KMT2A: variants seen among roughly 807,000 people sequenced by gnomAD.
KMT2A encodes lysine methyltransferase 2A, also known as histone-lysine N-methyltransferase 2A.
Under a neutral mutation model 345.3 loss-of-function variants are expected in KMT2A, and 16 were observed. The observed-to-expected ratio is 0.05, with a 90% CI of 0.03 to 0.07. KMT2A has a LOEUF of 0.07. Ranked by LOEUF, KMT2A falls within the 10% of genes least tolerant of loss-of-function variation. KMT2A has a pLI of 1.00. For synonymous variants in KMT2A, 1,599 were observed against 1,778.6 expected (o/e 0.90, Z 2.54); for missense variants, 3,272 against 4,841.6 (o/e 0.68, Z 9.62).
intron 31 of KMT2A, among the ~76,000 whole-genome samples, chr11:118,517,666 C>G (rs1469685276): frequency 6.6e-6 from 1 of 151,916 alleles, no homozygotes; most frequent in Non-Finnish European, 1.5e-5. Context: ...ACAGTAAGAC[C>G]CTGTCTCCAC....
Position 118,484,031 on chromosome 11 carries a change from CTT to C in KMT2A, c.4087-149_4087-148del. ...TAGGCAACAAAGCAAGACCCAGTCT[CTT>C]TTAAAAAAAAATTCAAAGATTATTT... On this transcript the variant is annotated intron_variant, in intron 8 of 35. Coordinates refer to ENST00000534358, the MANE Select transcript of KMT2A (RefSeq NM_001197104.2). The surrounding 1 kb of genome is among the most constrained non-coding windows in gnomAD (Gnocchi z 4.1). 3.7e-6 allele frequency: 3 copies of C among 805,618 alleles called. No homozygotes were observed. Among genetic ancestry groups the C allele is most frequent in the East Asian group, 5.4e-5 (2 of 37,034 alleles). The allele number at this position is 805,618 out of a possible 1,614,324, so 49.9% of individuals were successfully genotyped here.
In KMT2A at chr11:118,502,998, C is replaced by G. The variant is rs1472238690; in HGVS notation, c.7106C>G (p.Ser2369Cys). ...SVSFSSKEAL[S>C]FPHLHLRGQR... ...TCGTTTTCTTCTAAAGAGGCCCTCT[C>G]CTTCCCACACCTCCATTTGAGAGGG... Residue 2369 changes from serine (S) to cysteine (C), a missense_variant, in exon 27 of 36, where the codon TCC becomes TGC. Around this residue, in one of 27 missense-constraint regions of KMT2A, gnomAD observed 445 missense variants for 500.9 expected, o/e 0.89. Coordinates refer to ENST00000534358, the MANE Select transcript of KMT2A (RefSeq NM_001197104.2). This position sits in a 1 kb window ranked among gnomAD's most constrained non-coding sequence, Gnocchi z 4.9. The G allele has an allele frequency of 4.3e-6, 7 of 1,614,080 alleles. No individual in the cohort carries two copies. Among genetic ancestry groups the G allele is most frequent in the Non-Finnish European group, 5.1e-6 (6 of 1,180,042 alleles).
At chr11:118,467,097 C>G (rs2134244519) in intron 1 of KMT2A, among the ~76,000 whole-genome samples, 1 of 152,138 alleles carries the variant, frequency 6.6e-6, no homozygotes, top group South Asian at 2.1e-4. Context: ...TTTTTCATGG[C>G]TGGGCACAGT....
At position 118,472,719 on chromosome 11, in the gene KMT2A, A is replaced by T. The variant is rs1185141678; in HGVS notation, c.1560A>T (p.Glu520Asp). The T allele has an allele frequency of 3.1e-6, 5 of 1,613,654 alleles. No individual in the cohort carries two copies. The highest frequency in any genetic ancestry group is 1.6e-4 in the Middle Eastern group (1 of 6,062). ...CACTGCCCATTTCCCAGTCCCCAGA[A>T]AATGAGAGTAATGATAGGAGAAGCA... ...HPPLPISQSP[E>D]NESNDRRSRR... The change falls in exon 3 of 36, where the codon GAA becomes GAT. Residue 520 changes from glutamate (E) to aspartate (D), a missense_variant. By Grantham distance (45) the Glu-to-Asp change is conservative (BLOSUM62 2). Around this residue, in one of 27 missense-constraint regions of KMT2A, gnomAD observed 180 missense variants for 190.7 expected, o/e 0.94. Coordinates refer to ENST00000534358, the MANE Select transcript of KMT2A (RefSeq NM_001197104.2).
chr11:118,501,613 A>G (rs1950501924), intron 25 of KMT2A, 59 bp from the exon 26 acceptor site: 1 of 1,414,390 alleles, frequency 7.1e-7, no homozygotes, highest in Non-Finnish European at 9.7e-7. Flanking sequence ...TTTATTGGTT[A>G]ATTTGTTTGA....
intron 3 of KMT2A, among the ~76,000 whole-genome samples, chr11:118,475,616 G>A (rs981128118): frequency 2.0e-5 from 3 of 152,108 alleles, no homozygotes; most frequent in East Asian, 1.9e-4. Flanking sequence ...CTAGCTACTC[G>A]GGAGGCTGAG....
intron 10 of KMT2A, among the ~76,000 whole-genome samples, chr11:118,485,710 C>A (rs1231296932): frequency 6.6e-6 from 1 of 152,124 alleles, no homozygotes; most frequent in Non-Finnish European, 1.5e-5. Context: ...AAGAAGTGTT[C>A]ATTTCAATAT....
chr11:118,447,011 C>T (rs1258244407), intron 1 of KMT2A, among the ~76,000 whole-genome samples: 1 of 152,160 alleles, frequency 6.6e-6, no homozygotes, highest in African/African-American at 2.4e-5. Context: ...CTCTCCTTTG[C>T]CTTAAAGTCT....
chr11:118,478,497 G>A (rs562295657), intron 5 of KMT2A, among the ~76,000 whole-genome samples: 12 of 152,178 alleles, frequency 7.9e-5, no homozygotes, highest in Middle Eastern at 3.2e-3. Context: ...GCTATTGAGC[G>A]CTTGACATGT....
chr11:118,459,004 T>G (rs1180815923), intron 1 of KMT2A, among the ~76,000 whole-genome samples: 1 of 152,308 alleles, frequency 6.6e-6, no homozygotes, highest in East Asian at 1.9e-4. Flanking sequence ...GTCTATGGTA[T>G]TGATGTTATT....
chr11:118,511,926 A>AC lies in KMT2A; in HGVS notation c.11072-24dup, dbSNP rs530572017. On this transcript the variant is annotated intron_variant, in intron 30 of 35. Transcript: ENST00000534358. ...GGTTTACGTGCATATTTTCTGGCTT[A>AC]CGGGTTTTCTTTATTTCCTTTCAGA... 519 of 1,604,726 alleles carry AC rather than the reference A, an allele frequency of 3.2e-4. 6 individuals carry two copies. In the South Asian group the frequency reaches 5.4e-3, roughly 17 times the overall value.
At chr11:118,441,918 C>T (rs781840426) in intron 1 of KMT2A, among the ~76,000 whole-genome samples, 2 of 152,292 alleles carry the variant, frequency 1.3e-5, no homozygotes, top group East Asian at 1.9e-4. Flanking sequence ...GCTGTCCTTC[C>T]GTGGGGCAGC....
At chr11:118,441,701 A>G (rs539023675) in intron 1 of KMT2A, among the ~76,000 whole-genome samples, 2 of 152,356 alleles carry the variant, frequency 1.3e-5, no homozygotes, top group African/African-American at 4.8e-5. Flanking sequence ...TATACTGAGC[A>G]TTAGAAATTC....
At position 118,520,153 on chromosome 11, in the gene KMT2A, G is replaced by C; in HGVS notation, c.11429+89G>C. 1 of 829,982 alleles carries C rather than the reference G, an allele frequency of 1.2e-6. No individual in the cohort carries two copies. The highest frequency in any genetic ancestry group is 1.7e-5 in the African/African-American group (1 of 58,278). 51.4% of individuals were successfully genotyped at this position (829,982 alleles called of 1,614,324 possible). ...ACTACGTAGGAATTTGTTTGCATCA[G>C]AATTTCCTGGATAAGATTTAAAAGG... On this transcript the variant is annotated intron_variant, in intron 33 of 35. Transcript: ENST00000534358. The surrounding 1 kb of genome is among the most constrained non-coding windows in gnomAD (Gnocchi z 4.3).
intron 3 of KMT2A, among the ~76,000 whole-genome samples, chr11:118,475,042 A>G (rs1413613193): frequency 1.1e-4 from 17 of 152,166 alleles, no homozygotes; most frequent in African/African-American, 3.9e-4. Flanking sequence ...TTGAGGCACA[A>G]GAATCTCTTG....
intron 10 of KMT2A, among the ~76,000 whole-genome samples, chr11:118,485,858 G>A (rs1950219061): frequency 6.6e-6 from 1 of 152,178 alleles, no homozygotes; most frequent in South Asian, 2.1e-4. Flanking sequence ...CAAGGCAGGC[G>A]GATCACAAGG....
chr11:118,447,446 A>C (rs1555027473), intron 1 of KMT2A, among the ~76,000 whole-genome samples: 1 of 152,258 alleles, frequency 6.6e-6, no homozygotes, highest in African/African-American at 2.4e-5. Context: ...ATCATTAAGA[A>C]ATACTAATTT....
chr11:118,473,748 T>A lies in KMT2A; in HGVS notation c.2589T>A (p.Asp863Glu). ...CCGAGGAGCTGTCCAAAGATCGAGA[T>A]GCTGACAAGAGCGTGGAGAAGGACA... ...KAPEELSKDRDADKSVEKDKS... is the reference protein window; with the variant it reads ...KAPEELSKDREADKSVEKDKS... The change falls in exon 3 of 36, where the codon GAT becomes GAA. Residue 863 changes from aspartate (D) to glutamate (E), a missense_variant. Asp to Glu is a conservative substitution (Grantham distance 45, BLOSUM62 2). Transcript: ENST00000534358. This position sits in a 1 kb window ranked among gnomAD's most constrained non-coding sequence, Gnocchi z 5.2. The A allele has an allele frequency of 1.2e-6, 2 of 1,613,850 alleles. No individual in the cohort carries two copies. Among genetic ancestry groups the A allele is most frequent in the Admixed American group, 3.3e-5 (2 of 59,972 alleles).
chr11:118,508,720 C>CAA (rs35633621), intron 28 of KMT2A, among the ~76,000 whole-genome samples: 9 of 93,358 alleles, frequency 9.6e-5, no homozygotes, highest in Admixed American at 4.9e-4. Flanking sequence ...GAACCTATCT[C>CAA]AAAAAAAAAA....
Sources: allele counts gnomAD v4.1 joint callset (sites outside exome capture counted in the v4.1 genomes callset), GRCh38; gene constraint gnomAD v4.1.1; regional missense constraint gnomAD v4.1.1; non-coding constraint Gnocchi (gnomAD v3.1); transcripts MANE v1.5; gene names NCBI Gene and HGNC (gene_info 2026-07-23, HGNC 2026-07-21).